Variants in TENM3 observed in about 807,000 individuals in gnomAD.
TENM3 encodes the protein teneurin transmembrane protein 3.
In TENM3, 63 loss-of-function variants were observed where a neutral mutation model predicts 255.1. The ratio of observed to expected loss-of-function variants is 0.25; its 90% CI spans 0.20 to 0.30. TENM3 has a LOEUF of 0.30. TENM3 is among the 10% of genes least tolerant of loss of function. TENM3 has a pLI of 1.00. For missense variants in TENM3, 2,929 were observed against 3,461.1 expected, an observed-to-expected ratio of 0.85 and a Z score of 3.86; for synonymous variants, 1,306 against 1,322.3, an observed-to-expected ratio of 0.99 and a Z score of 0.27.
the TENM3 span, among the ~76,000 whole-genome samples, chr4:181,455,145 A>G: frequency 6.6e-6 from 1 of 152,132 alleles, no homozygotes; most frequent in Non-Finnish European, 1.5e-5. Context: ...AACTTATGAT[A>G]GGTTACTAAA....
At chr4:181,590,055 A>G in the TENM3 span, among the ~76,000 whole-genome samples, 1 of 152,188 alleles carries the variant, frequency 6.6e-6, no homozygotes, top group Non-Finnish European at 1.5e-5. Flanking sequence ...TGTTATAAAT[A>G]AGAAAGAGGT....
At chr4:182,705,018 A>C (rs1254180679) in intron 12 of TENM3, among the ~76,000 whole-genome samples, 1 of 152,214 alleles carries the variant, frequency 6.6e-6, no homozygotes, top group Admixed American at 6.5e-5. Flanking sequence ...GGTGTTTAAA[A>C]TTATGTCACT....
chr4:182,470,914 A>G (rs1385223001), intron 3 of TENM3, among the ~76,000 whole-genome samples: 1 of 152,152 alleles, frequency 6.6e-6, no homozygotes, highest in Non-Finnish European at 1.5e-5. Flanking sequence ...AGGAAATTAG[A>G]TTTGTTGCAA....
At chr4:181,614,442 G>A in the TENM3 span, among the ~76,000 whole-genome samples, 6 of 152,146 alleles carry the variant, frequency 3.9e-5, no homozygotes, top group African/African-American at 1.4e-4. Context: ...CTGATTCCTG[G>A]GCTCTACCTC....
chr4:182,364,980 T>C (rs1482228262), intron 3 of TENM3, among the ~76,000 whole-genome samples: 2 of 152,194 alleles, frequency 1.3e-5, no homozygotes, highest in African/African-American at 4.8e-5. Context: ...AGGCTTTTGA[T>C]ACACTCTGTC....
the TENM3 span, among the ~76,000 whole-genome samples, chr4:182,108,093 C>T: frequency 1.3e-5 from 2 of 152,186 alleles, no homozygotes; most frequent in South Asian, 4.1e-4. Context: ...TTGCTTCAGT[C>T]TCCACTTAGA....
chr4:182,584,718 C>T (rs1250725928), intron 3 of TENM3, among the ~76,000 whole-genome samples: 1 of 152,096 alleles, frequency 6.6e-6, no homozygotes. Flanking sequence ...CGGCTCACTG[C>T]AACCTCCACT....
At chr4:182,352,482 T>C (rs554278570) in intron 3 of TENM3, among the ~76,000 whole-genome samples, 2 of 152,208 alleles carry the variant, frequency 1.3e-5, no homozygotes, top group East Asian at 3.9e-4. Context: ...CACAATAAAA[T>C]AAATCATTCC....
intron 12 of TENM3, among the ~76,000 whole-genome samples, chr4:182,696,385 A>G (rs1272655696): frequency 2.6e-5 from 4 of 152,210 alleles, no homozygotes; most frequent in Non-Finnish European, 5.9e-5. Flanking sequence ...TTATAGCCCA[A>G]AAATATAGGA....
At chr4:182,577,657 A>G (rs1031460533) in intron 3 of TENM3, among the ~76,000 whole-genome samples, 6 of 152,236 alleles carry the variant, frequency 3.9e-5, no homozygotes, top group African/African-American at 1.4e-4. Context: ...CACGCGCTCT[A>G]TTAACAACCT....
chr4:181,546,727 A>AAAG, the TENM3 span, among the ~76,000 whole-genome samples: 7 of 117,908 alleles, frequency 5.9e-5, no homozygotes, highest in Non-Finnish European at 1.1e-4. Context: ...AAAAAAAAAA[A>AAAG]AAGAAGAAGA....
At chr4:181,594,109 C>T in the TENM3 span, among the ~76,000 whole-genome samples, 1 of 151,148 alleles carries the variant, frequency 6.6e-6, no homozygotes, top group African/African-American at 2.4e-5. Flanking sequence ...GTAAGAAGAA[C>T]CATTTGATTA....
chr4:181,644,467 G>A, the TENM3 span, among the ~76,000 whole-genome samples: 1 of 151,668 alleles, frequency 6.6e-6, no homozygotes, highest in African/African-American at 2.4e-5. Context: ...CATTTCACAT[G>A]AGCCTCCTAA....
rs1446879004 is a variant in TENM3, at chr4:182,201,312, C to T, written c.-76+56558C>T. 2.0e-5 allele frequency among the ~76,000 whole-genome samples: 3 copies of T among 152,058 alleles called. No homozygotes were observed. In the East Asian group the frequency reaches 5.8e-4, roughly 29 times the overall value. On this transcript the variant is annotated intron_variant, in intron 1 of 2. Transcript: ENST00000512480. ...TGTCGGGGACAGTCAAAATCATCTCCAATTTCTAAGGAGAAACAAACAATT... is the reference window on the plus strand; with the variant it reads ...TGTCGGGGACAGTCAAAATCATCTCTAATTTCTAAGGAGAAACAAACAATT...
the TENM3 span, among the ~76,000 whole-genome samples, chr4:181,619,546 TG>T: frequency 7.2e-5 from 11 of 151,984 alleles, no homozygotes; most frequent in African/African-American, 1.2e-4. Context: ...CTCAGCCTCC[TG>T]TGTAGCTGGG....
At chr4:181,646,596 C>T in the TENM3 span, among the ~76,000 whole-genome samples, 1 of 152,112 alleles carries the variant, frequency 6.6e-6, no homozygotes, top group Non-Finnish European at 1.5e-5. Flanking sequence ...ATTCATTCTT[C>T]TAAAGACTCA....
At chr4:182,473,860 AG>A (rs1733405546) in intron 3 of TENM3, among the ~76,000 whole-genome samples, 1 of 152,054 alleles carries the variant, frequency 6.6e-6, no homozygotes, top group African/African-American at 2.4e-5. Context: ...CTGGAGGCTG[AG>A]GCTGGAGGAT....
At chr4:181,590,445 G>C in the TENM3 span, among the ~76,000 whole-genome samples, 1 of 152,206 alleles carries the variant, frequency 6.6e-6, no homozygotes, top group Non-Finnish European at 1.5e-5. Context: ...GTGAATAGCA[G>C]GTCTGTGCCA....
At position 182,719,252 on chromosome 4, in the gene TENM3, C is replaced by CTTTTTTTTTTTT. The variant is rs11348241; in HGVS notation, c.2368+5035_2368+5046dup. Among the ~76,000 whole-genome samples the CTTTTTTTTTTTT allele has an allele frequency of 6.2e-3, 498 of 80,924 alleles. 17 individuals are homozygous for CTTTTTTTTTTTT. The highest frequency in any genetic ancestry group is 0.024 in the Middle Eastern group (2 of 82). The allele number at this position is 80,924 out of a possible 152,430, so 53.1% of individuals were successfully genotyped here. On this transcript the variant is annotated intron_variant, in intron 13 of 27. Coordinates refer to ENST00000511685, the MANE Select transcript of TENM3 (RefSeq NM_001080477.4). The stretch of plus-strand genomic sequence containing the variant: ...AGTAAAATAGAGTTCTTTTTTTTTT[C>CTTTTTTTTTTTT]TTTTTTTTTTTTTTTTTTTTTTTTT...
Sources: gnomAD v4.1 joint callset for allele counts (sites outside exome capture counted in the v4.1 genomes callset) on GRCh38, gnomAD v4.1.1 for gene constraint, MANE v1.5 for transcripts, NCBI Gene and HGNC (gene_info 2026-07-23, HGNC 2026-07-21) for gene names.